IGSF11: variants seen among roughly 807,000 people sequenced by gnomAD.
IGSF11 encodes the protein CXADR like 1.
A neutral mutation model predicts 41.0 loss-of-function variants in IGSF11; 22 were observed. The observed-to-expected ratio is 0.54, with a 90% CI of 0.38 to 0.77. The LOEUF is 0.77. IGSF11 is among the 30% of genes least tolerant of loss of function. IGSF11 has a pLI of 0.00. For synonymous variants in IGSF11, 219 were observed against 201.3 expected (o/e 1.09, Z -0.74); for missense variants, 444 against 530.8 (o/e 0.84, Z 1.61).
At position 119,143,891 on chromosome 3, in the gene IGSF11, C is replaced by T. The variant is rs189217522; in HGVS notation, c.-14+1922G>A. Among the ~76,000 whole-genome samples, 6 of 152,048 alleles carry T rather than the reference C, an allele frequency of 3.9e-5. No homozygotes were observed. In the East Asian group the frequency reaches 5.8e-4, roughly 15 times the overall value. ...GAAGTGCATTATATATTGATAAAAG[C>T]GTCAATTAAACAAGAAGACTTTATT... On this transcript the variant is annotated intron_variant, in intron 1 of 7. Coordinates refer to the IGSF11 transcript ENST00000425327.
At position 118,988,230 on chromosome 3, in the gene IGSF11, A is replaced by T. The variant is rs1223101732; in HGVS notation, c.52+46301T>A. On this transcript the variant is annotated intron_variant, in intron 1 of 6. Transcript: ENST00000393775. Reference sequence around the variant, plus strand: ...TATCCTAATTGCTGGCACAGTATGTACATGATAGTGTATGAAGATCACTAG... The same window carrying T: ...TATCCTAATTGCTGGCACAGTATGTTCATGATAGTGTATGAAGATCACTAG... Among the ~76,000 whole-genome samples the T allele has an allele frequency of 2.0e-5, 3 of 152,358 alleles. No homozygotes were observed. In the South Asian group the frequency reaches 6.2e-4, roughly 32 times the overall value.
chr3:118,970,690 A>G (rs1576515518), intron 1 of IGSF11, among the ~76,000 whole-genome samples: 1 of 151,916 alleles, frequency 6.6e-6, no homozygotes, highest in East Asian at 1.9e-4. Flanking sequence ...TATTCTCAGT[A>G]ATACACTCAT....
intron 1 of IGSF11, among the ~76,000 whole-genome samples, chr3:119,102,126 T>G (rs2076948642): frequency 6.6e-6 from 1 of 152,200 alleles, no homozygotes; most frequent in African/African-American, 2.4e-5. Context: ...ATTTTCACCT[T>G]AATTCCACAT....
chr3:119,055,884 C>T (rs1559840561), intron 1 of IGSF11, among the ~76,000 whole-genome samples: 1 of 152,134 alleles, frequency 6.6e-6, no homozygotes, highest in Non-Finnish European at 1.5e-5. Flanking sequence ...GGGTACATAA[C>T]GAAATGAAGT....
chr3:118,932,685 G>C (rs11921594), intron 1 of IGSF11, among the ~76,000 whole-genome samples: 3,978 of 152,304 alleles, frequency 0.026, 148 homozygotes, highest in African/African-American at 0.09. Context: ...AAATGGGTTA[G>C]AGAATGTATT....
chr3:118,946,198 AC>A lies in IGSF11; in HGVS notation c.53-15924del, dbSNP rs534151769. Among the ~76,000 whole-genome samples, 744 of 146,882 alleles carry A rather than the reference AC, an allele frequency of 5.1e-3. 2 individuals are homozygous for A. Among genetic ancestry groups the A allele is most frequent in the Middle Eastern group, 0.011 (3 of 284 alleles). Reference sequence around the variant, plus strand: ...ACATTATTAACCATTGGCTACACACACACACGCACACACACACACACACACA... The same window carrying A: ...ACATTATTAACCATTGGCTACACACAACACGCACACACACACACACACACA... On this transcript the variant is annotated intron_variant, in intron 1 of 6. Coordinates refer to ENST00000393775, the MANE Select transcript of IGSF11 (RefSeq NM_001015887.3).
At chr3:119,123,756 T>G (rs1034246619) in intron 1 of IGSF11, among the ~76,000 whole-genome samples, 3 of 152,206 alleles carry the variant, frequency 2.0e-5, no homozygotes, top group Non-Finnish European at 4.4e-5. Flanking sequence ...TATCCAAGAC[T>G]GCCAAGGTAG....
chr3:118,954,746 T>C (rs1212200077), intron 1 of IGSF11, among the ~76,000 whole-genome samples: 1 of 152,146 alleles, frequency 6.6e-6, no homozygotes, highest in Non-Finnish European at 1.5e-5. Context: ...ATGAAATGTA[T>C]TTCTTAAATA....
At chr3:118,909,230 TTA>T (rs1491434560) in intron 4 of IGSF11, among the ~76,000 whole-genome samples, 1 of 152,124 alleles carries the variant, frequency 6.6e-6, no homozygotes, top group African/African-American at 2.4e-5. Flanking sequence ...TTCATATGAC[TTA>T]TATATTTTAA....
chr3:119,045,383 G>A (rs767215430), intron 1 of IGSF11, among the ~76,000 whole-genome samples: 14 of 152,250 alleles, frequency 9.2e-5, no homozygotes, highest in Non-Finnish European at 1.5e-4. Context: ...AAGGGGTGAC[G>A]AACGGCACCT....
chr3:119,104,062 T>C (rs1166489568), intron 1 of IGSF11, among the ~76,000 whole-genome samples: 1 of 152,226 alleles, frequency 6.6e-6, no homozygotes, highest in Non-Finnish European at 1.5e-5. Context: ...AGGAGGACAG[T>C]ACCGTATTTA....
At chr3:119,107,462 A>T (rs1488535094), upstream of IGSF11, among the ~76,000 whole-genome samples, 7 of 151,928 alleles carry the variant, frequency 4.6e-5, no homozygotes, top group Middle Eastern at 3.2e-3. Flanking sequence ...AATTTGTTTG[A>T]GTTCATTGTA....
At chr3:119,038,490 T>C (rs1172630492), upstream of IGSF11, among the ~76,000 whole-genome samples, 2 of 152,198 alleles carry the variant, frequency 1.3e-5, no homozygotes, top group Non-Finnish European at 2.9e-5. Flanking sequence ...TTGGGAAAAG[T>C]TAGCTCTTTT....
chr3:119,073,911 G>C (rs934138160), intron 1 of IGSF11, among the ~76,000 whole-genome samples: 1 of 152,234 alleles, frequency 6.6e-6, no homozygotes, highest in Non-Finnish European at 1.5e-5. Flanking sequence ...AGGCCAAGGA[G>C]GCGCCAAGAG....
At chr3:119,086,876 G>A (rs2076684614) in intron 1 of IGSF11, among the ~76,000 whole-genome samples, 1 of 152,104 alleles carries the variant, frequency 6.6e-6, no homozygotes, top group Admixed American at 6.6e-5. Flanking sequence ...CTAACAATAT[G>A]ATGACAGGAT....
chr3:119,141,042 T>TAAAAAAAAAAAAA (rs35323898), intron 1 of IGSF11, among the ~76,000 whole-genome samples: 10 of 99,736 alleles, frequency 1.0e-4, no homozygotes, highest in East Asian at 5.7e-4. Flanking sequence ...TCTGTCTCAT[T>TAAAAAAAAAAAAA]AAAAAAAAAA....
chr3:118,983,660 A>G (rs1934966790), intron 1 of IGSF11, among the ~76,000 whole-genome samples: 1 of 152,140 alleles, frequency 6.6e-6, no homozygotes. Context: ...AAATGAGAAA[A>G]CAGACTCAGA....
intron 1 of IGSF11, among the ~76,000 whole-genome samples, chr3:119,005,945 G>A (rs1195707369): frequency 7.3e-6 from 1 of 137,716 alleles, no homozygotes; most frequent in African/African-American, 3.1e-5. Flanking sequence ...ATGTGTCTTG[G>A]AGTTGTTCTT....
chr3:119,026,382 T>A (rs1380629878), intron 1 of IGSF11, among the ~76,000 whole-genome samples: 1 of 152,296 alleles, frequency 6.6e-6, no homozygotes, highest in East Asian at 1.9e-4. Context: ...GTACAGTCCA[T>A]GGACTGATGC....
Sources: gnomAD v4.1 joint callset for allele counts (sites outside exome capture counted in the v4.1 genomes callset) on GRCh38, gnomAD v4.1.1 for gene constraint, MANE v1.5 for transcripts, NCBI Gene and HGNC (gene_info 2026-07-23, HGNC 2026-07-21) for gene names.